The following ZC3H11A variants were observed in gnomAD, a reference collection of about 807,000 sequenced individuals.
The protein encoded by ZC3H11A is zinc finger CCCH-type containing 11A.
ZC3H11A carries 22 observed loss-of-function variants against 90.8 expected under a neutral mutation model. The observed-to-expected ratio is 0.24, with a 90% CI of 0.17 to 0.35. The LOEUF is 0.35. ZC3H11A is among the 10% of genes least tolerant of loss of function. The pLI is 1.00. For missense variants in ZC3H11A, 701 were observed against 964.9 expected (o/e 0.73, Z 3.62); for synonymous variants, 294 against 339.8 (o/e 0.87, Z 1.48).
At chr1:203,804,558 T>G (rs1456531925) in intron 2 of ZC3H11A, among the ~76,000 whole-genome samples, 3 of 152,218 alleles carry the variant, frequency 2.0e-5, no homozygotes, top group Non-Finnish European at 4.4e-5. Context: ...GAAGGAAATT[T>G]ACTGCTTCTT....
At chr1:203,842,782 C>A (rs906965362) in intron 12 of ZC3H11A, among the ~76,000 whole-genome samples, 3 of 151,440 alleles carry the variant, frequency 2.0e-5, no homozygotes, top group African/African-American at 7.3e-5. Flanking sequence ...AAATTGGTGT[C>A]ATCTGGGTAT....
intron 1 of ZC3H11A, chr1:203,797,319 TAAGA>T (rs1400301345): frequency 2.2e-6 from 1 of 462,796 alleles, no homozygotes; most frequent in East Asian, 3.7e-5. Flanking sequence ...TAAAGCCCTC[TAAGA>T]AAGAGTTCGG....
chr1:203,809,172 G>GTTTTT (rs33926996), intron 2 of ZC3H11A, among the ~76,000 whole-genome samples: 38 of 83,264 alleles, frequency 4.6e-4, no homozygotes, highest in Admixed American at 1.4e-3. Flanking sequence ...TCTTCTCACT[G>GTTTTT]TTTTTTTTTT....
intron 9 of ZC3H11A, among the ~76,000 whole-genome samples, chr1:203,833,342 G>A (rs1240078791): frequency 1.3e-4 from 19 of 146,518 alleles, no homozygotes; most frequent in African/African-American, 4.3e-4. Flanking sequence ...TCTAGCCTGG[G>A]CGACAGAGTG....
At chr1:203,803,634 T>C (rs1671199847) in intron 2 of ZC3H11A, among the ~76,000 whole-genome samples, 1 of 152,236 alleles carries the variant, frequency 6.6e-6, no homozygotes, top group Non-Finnish European at 1.5e-5. Flanking sequence ...AACAGGGTCT[T>C]GTGCTCTGTC....
chr1:203,816,896 A>G (rs1676566078), intron 2 of ZC3H11A, 30 bp from the exon 3 acceptor site: 8 of 516,668 alleles, frequency 1.5e-5, no homozygotes, highest in East Asian at 9.6e-5. Context: ...TTTACCTGAA[A>G]TATTTTAATT....
At chr1:203,851,019 C>T in intron 16 of ZC3H11A, 38 bp from the exon 17 acceptor site, 1 of 1,607,110 alleles carries the variant, frequency 6.2e-7, no homozygotes, top group African/African-American at 1.3e-5. Context: ...ATTAAAAAGC[C>T]TGACTCTCAC....
intron 3 of ZC3H11A, among the ~76,000 whole-genome samples, 167 bp downstream of exon 3, chr1:203,817,291 T>G (rs1676674203): frequency 1.3e-5 from 2 of 152,160 alleles, no homozygotes; most frequent in African/African-American, 4.8e-5. Flanking sequence ...TAATTCAGTG[T>G]TTTTTTCTTT....
intron 2 of ZC3H11A, among the ~76,000 whole-genome samples, chr1:203,815,379 CTTTT>C (rs397711285): frequency 0.14 from 14,010 of 96,882 alleles, 983 homozygotes; most frequent in Non-Finnish European, 0.16. Context: ...CCACACCCAG[CTTTT>C]TTTTTTTTTT....
chr1:203,807,074 G>A (rs138880386), intron 2 of ZC3H11A, among the ~76,000 whole-genome samples: 1 of 151,424 alleles, frequency 6.6e-6, no homozygotes, highest in East Asian at 2.0e-4. Flanking sequence ...TTTAGAGATG[G>A]GGTCTCATTG....
At chr1:203,796,200 G>A in intron 1 of ZC3H11A, 2 of 384,604 alleles carry the variant, frequency 5.2e-6, no homozygotes, top group Non-Finnish European at 9.2e-6. Context: ...TTTCTTCGGG[G>A]CAACAGTTTC....
At chr1:203,842,940 C>A (rs1686878471) in intron 12 of ZC3H11A, among the ~76,000 whole-genome samples, 1 of 147,022 alleles carries the variant, frequency 6.8e-6, no homozygotes. Flanking sequence ...TTTTTTAATA[C>A]CTTGCTGAAT....
At chr1:203,836,458 A>C (rs1281047610) in intron 10 of ZC3H11A, among the ~76,000 whole-genome samples, 1 of 152,200 alleles carries the variant, frequency 6.6e-6, no homozygotes, top group African/African-American at 2.4e-5. Flanking sequence ...ACAGTGTAAT[A>C]AAACTAGAAG....
chr1:203,821,184 C>T (rs1678546705), intron 4 of ZC3H11A, among the ~76,000 whole-genome samples: 1 of 152,100 alleles, frequency 6.6e-6, no homozygotes, highest in Admixed American at 6.6e-5. Context: ...AAGTGTGGGA[C>T]TCCCTTTGCT....
Position 203,852,203 on chromosome 1 carries a change from C to T in ZC3H11A, c.2237C>T (p.Ser746Phe). 6.2e-7 allele frequency: 1 copy of T among 1,613,640 alleles called. No individual in the cohort carries two copies. Among genetic ancestry groups the T allele is most frequent in the Non-Finnish European group, 8.5e-7 (1 of 1,179,816 alleles). The change falls in exon 18 of 18, where the codon TCC (serine) becomes TTC (phenylalanine). Residue 746 changes from serine to phenylalanine, a missense_variant. Ser to Phe is a radical substitution (Grantham distance 155). Coordinates refer to ENST00000367210, the MANE Select transcript of ZC3H11A (RefSeq NM_001376342.1). ...DSSPPEVSGP[S>F]SSQMSMKTRR... ...TCACCCCCGGAGGTGTCTGGCCCTTCCTCATCCCAAATGAGCATGAAAACT... is the reference window on the plus strand; with the variant it reads ...TCACCCCCGGAGGTGTCTGGCCCTTTCTCATCCCAAATGAGCATGAAAACT...
In ZC3H11A at chr1:203,814,256, G is replaced by A. The variant is rs150022971; in HGVS notation, c.-145-2670G>A. ...GAATAACCTTTCCGGCCAGGCGCTG[G>A]CTCACACCTGTAATCCCAGCACTTT... On this transcript the variant is annotated intron_variant, in intron 2 of 17. Coordinates refer to ENST00000367210, the MANE Select transcript of ZC3H11A (RefSeq NM_001376342.1). Among the ~76,000 whole-genome samples the A allele has an allele frequency of 4.3e-3, 659 of 152,268 alleles. 3 individuals carry two copies. Among genetic ancestry groups the A allele is most frequent in the Non-Finnish European group, 5.1e-3 (345 of 68,022 alleles).
At chr1:203,818,987 C>T (rs1008905028) in intron 4 of ZC3H11A, among the ~76,000 whole-genome samples, 11 of 150,838 alleles carry the variant, frequency 7.3e-5, no homozygotes, top group Admixed American at 1.3e-4. Context: ...GAAAATCGCT[C>T]GAACCAGGGA....
intron 1 of ZC3H11A, chr1:203,798,427 G>T: frequency 6.5e-7 from 1 of 1,534,796 alleles, no homozygotes; most frequent in Non-Finnish European, 8.7e-7. Context: ...TCCCACTTAG[G>T]GACTTCAACA....
At chr1:203,809,274 C>T (rs1673501820) in intron 2 of ZC3H11A, among the ~76,000 whole-genome samples, 1 of 134,258 alleles carries the variant, frequency 7.4e-6, no homozygotes, top group African/African-American at 2.8e-5. Context: ...CTCCAGGGTT[C>T]AAGCGATTCT....
Sources: allele counts gnomAD v4.1 joint callset (sites outside exome capture counted in the v4.1 genomes callset), GRCh38; gene constraint gnomAD v4.1.1; transcripts MANE v1.5; gene names NCBI Gene and HGNC (gene_info 2026-07-23, HGNC 2026-07-21).